The following TG variants were observed in gnomAD, a reference collection of about 807,000 sequenced individuals.
TG encodes the protein thyroglobulin.
Under a neutral mutation model 324.7 loss-of-function variants are expected in TG, and 270 were observed. That is an observed-to-expected ratio of 0.83 (90% confidence interval 0.75 to 0.92). TG has a LOEUF of 0.92. Among genes scored for constraint, TG ranks in the 40% least tolerant of loss-of-function variants. The pLI, the probability that TG is intolerant of heterozygous loss-of-function variation, is 0.00. For synonymous variants in TG, 1,401 were observed against 1,327.0 expected, an observed-to-expected ratio of 1.06 and a Z score of -1.21; for missense variants, 3,591 against 3,456.4, an observed-to-expected ratio of 1.04 and a Z score of -0.98.
At chr8:133,080,085 G>A (rs1294124125) in intron 41 of TG, among the ~76,000 whole-genome samples, 1 of 152,164 alleles carries the variant, frequency 6.6e-6, no homozygotes, top group African/African-American at 2.4e-5. Context: ...CATGGGGACA[G>A]TAAGAGGAAC....
chr8:132,925,973 C>T (rs1821811909), intron 22 of TG, among the ~76,000 whole-genome samples: 1 of 152,214 alleles, frequency 6.6e-6, no homozygotes, highest in Admixed American at 6.5e-5. Context: ...GAATAGCCTC[C>T]AGATAGAGCT....
At chr8:132,923,609 A>T in intron 22 of TG, 101 bp downstream of exon 22, 1 of 1,393,408 alleles carries the variant, frequency 7.2e-7, no homozygotes, top group Non-Finnish European at 9.6e-7. Flanking sequence ...ATTTGTCTCC[A>T]ACTTTTTGTT....
chr8:133,059,109 C>T (rs754254133), intron 41 of TG: 35 of 456,148 alleles, frequency 7.7e-5, no homozygotes, highest in African/African-American at 8.0e-5. Flanking sequence ...CTGTCAGGCT[C>T]GGCAGACAGG....
rs548761622 is a variant in TG, at chr8:132,911,525, A to C, written c.4151A>C (p.His1384Pro). 6.2e-7 allele frequency: 1 copy of C among 1,613,524 alleles called. No individual in the cohort carries two copies. The highest frequency in any genetic ancestry group is 2.2e-5 in the East Asian group (1 of 44,866). Reference sequence around the variant, plus strand: ...CCAGTGGCTTCTCTTCCTGACTTACATGACATTGGTATGTTTTTCTGTGGT... The same window carrying C: ...CCAGTGGCTTCTCTTCCTGACTTACCTGACATTGGTATGTTTTTCTGTGGT... ...DIPVASLPDL[H>P]DIERALVGKD... is the part of the protein sequence containing the mutation. The change falls in exon 19 of 48, where the codon CAT (histidine) becomes CCT (proline). Residue 1384 changes from histidine to proline, a missense_variant. Physicochemically the swap from His to Pro is moderately conservative, Grantham distance 77. Transcript: ENST00000220616.
chr8:132,894,877 C>T (rs1816879663), intron 11 of TG, among the ~76,000 whole-genome samples: 1 of 152,246 alleles, frequency 6.6e-6, no homozygotes, highest in South Asian at 2.1e-4. Flanking sequence ...TAATCACCAT[C>T]CACAATTCTT....
chr8:132,994,223 T>A (rs1832658297), intron 35 of TG, among the ~76,000 whole-genome samples: 1 of 152,226 alleles, frequency 6.6e-6, no homozygotes, highest in African/African-American at 2.4e-5. Context: ...TGTTTATTTA[T>A]TATTTTATTT....
At chr8:132,981,600 C>T (rs1174976563) in intron 34 of TG, among the ~76,000 whole-genome samples, 1 of 152,160 alleles carries the variant, frequency 6.6e-6, no homozygotes, top group Non-Finnish European at 1.5e-5. Flanking sequence ...ATTAGGAGCT[C>T]CCAGAACGTG....
In TG at chr8:132,886,536, G is replaced by A. The variant is rs1360517168; in HGVS notation, c.1164G>A (p.Leu388=). 2.5e-6 allele frequency: 4 copies of A among 1,614,176 alleles called. No individual in the cohort carries two copies. In the South Asian group the frequency reaches 3.3e-5, roughly 13 times the overall value. ...GTSGYFSQHD[L]FSSPEKRWAS... is the part of the protein sequence containing the mutation. ...CAGGCTACTTCAGCCAGCACGACCT[G>A]TTCTCTTCCCCAGAGAAAAGATGGG... The change falls in exon 9 of 48, where the codon CTG becomes CTA. Residue 388 remains leucine, a synonymous_variant. Transcript: ENST00000220616.
Position 133,022,148 on chromosome 8 carries a change from CTG to C in TG, c.7035_7036del (p.Gly2346ValfsTer44). On this transcript the variant is annotated frameshift_variant and splice_region_variant, in exon 40 of 48. Coordinates refer to ENST00000220616, the MANE Select transcript of TG (RefSeq NM_003235.5). LOFTEE classifies it high-confidence loss of function. ...GTGGGTGTCTTCGGCTTCCTGAGTT[CTG>C]GTGAGTTGCTGCCTCTGGTGGGAGC... 3 of 1,614,086 alleles carry C rather than the reference CTG, an allele frequency of 1.9e-6. No individual in the cohort carries two copies. The highest frequency in any genetic ancestry group is 2.5e-6 in the Non-Finnish European group (3 of 1,180,028).
At chr8:132,974,777 C>T (rs1035492886) in intron 34 of TG, among the ~76,000 whole-genome samples, 2 of 152,114 alleles carry the variant, frequency 1.3e-5, no homozygotes, top group Admixed American at 6.5e-5. Context: ...TAGCCATATC[C>T]AACATGAAAG....
chr8:133,060,932 G>A (rs1024533579), intron 41 of TG, among the ~76,000 whole-genome samples: 5 of 152,190 alleles, frequency 3.3e-5, no homozygotes, highest in Admixed American at 6.5e-5. Context: ...GCTCCATAAC[G>A]GTTTTCAAGT....
intron 6 of TG, 147 bp downstream of exon 6, chr8:132,882,116 A>G: frequency 1.5e-6 from 1 of 657,462 alleles, no homozygotes; most frequent in East Asian, 2.7e-5. Context: ...ACACAACCTT[A>G]GCAAACTGTC....
intron 41 of TG, chr8:133,045,172 CA>C: frequency 6.3e-7 from 1 of 1,595,176 alleles, no homozygotes; most frequent in Admixed American, 1.7e-5. Context: ...CCAAGGCACC[CA>C]GCTAACCAGC....
intron 40 of TG, 24 bp from the exon 41 acceptor site, chr8:133,029,797 A>T: frequency 6.2e-7 from 1 of 1,613,894 alleles, no homozygotes; most frequent in Non-Finnish European, 8.5e-7. Flanking sequence ...CACAAAGGAT[A>T]AAAGGCTTTC....
chr8:133,087,077 C>T (rs1846689486), intron 41 of TG, among the ~76,000 whole-genome samples: 1 of 5,088 alleles, frequency 2.0e-4, no homozygotes, highest in African/African-American at 6.9e-4. Flanking sequence ...TGTTTACACA[C>T]ACACACACAC....
chr8:133,067,661 A>G (rs934669256), intron 41 of TG, among the ~76,000 whole-genome samples: 4 of 151,992 alleles, frequency 2.6e-5, no homozygotes. Flanking sequence ...CTGTAATCCC[A>G]GTTACTCAGG....
intron 41 of TG, among the ~76,000 whole-genome samples, chr8:133,034,144 T>C (rs1477648912): frequency 6.6e-6 from 1 of 152,242 alleles, no homozygotes; most frequent in East Asian, 1.9e-4. Context: ...AATAAGCTTA[T>C]TGAGGTTTTA....
In TG at chr8:132,928,451, G is replaced by A. The variant is rs1435100165; in HGVS notation, c.4700-625G>A. On this transcript the variant is annotated intron_variant, in intron 22 of 47. Transcript: ENST00000220616. ...TTCTTTTTTGCTTGGTGAAGAAAAA[G>A]TTCCAACTCTCATAGCCCTGAGAAA... Among the ~76,000 whole-genome samples, 3 of 152,134 alleles carry A rather than the reference G, an allele frequency of 2.0e-5. No homozygotes were observed. In the East Asian group the frequency reaches 5.8e-4, roughly 29 times the overall value.
At chr8:132,933,256 G>T (rs1822999436) in intron 23 of TG, among the ~76,000 whole-genome samples, 1 of 2,494 alleles carries the variant, frequency 4.0e-4, no homozygotes, top group Non-Finnish European at 1.1e-3. Context: ...CTATGTATTT[G>T]TGTGTGTGTT....
Sources: allele counts gnomAD v4.1 joint callset (sites outside exome capture counted in the v4.1 genomes callset), GRCh38; gene constraint gnomAD v4.1.1; transcripts MANE v1.5; gene names NCBI Gene and HGNC (gene_info 2026-07-23, HGNC 2026-07-21).